CBLN2: variants seen among roughly 807,000 people sequenced by gnomAD.
The protein encoded by CBLN2 is cerebellin 2 precursor.
Under a neutral mutation model 15.0 loss-of-function variants are expected in CBLN2, and 7 were observed. That is an observed-to-expected ratio of 0.47 (90% CI 0.27 to 0.88). The LOEUF (loss-of-function observed/expected upper bound fraction) is 0.88. Among genes scored for constraint, CBLN2 ranks in the 40% least tolerant of loss-of-function variants. The probability of loss-of-function intolerance (pLI) is 0.14; values close to 1 mark genes in which losing one functional copy is unlikely to be tolerated. For synonymous variants in CBLN2, 149 were observed against 135.2 expected, an observed-to-expected ratio of 1.10 and a Z score of -0.71; for missense variants, 242 against 304.5, an observed-to-expected ratio of 0.79 and a Z score of 1.53.
chr18:72,569,887 C>T (rs2144904711), intron 1 of CBLN2, among the ~76,000 whole-genome samples: 2 of 152,216 alleles, frequency 1.3e-5, no homozygotes, highest in South Asian at 4.2e-4. Flanking sequence ...GGAACAAACA[C>T]CCAAAATATA....
chr18:72,581,058 T>G (rs1399729308), intron 1 of CBLN2, among the ~76,000 whole-genome samples: 1 of 152,216 alleles, frequency 6.6e-6, no homozygotes, highest in Non-Finnish European at 1.5e-5. Context: ...AGAAACCTCT[T>G]AGGTCAGTTT....
chr18:72,627,189 C>G (rs2069745452), intron 1 of CBLN2, among the ~76,000 whole-genome samples: 1 of 152,146 alleles, frequency 6.6e-6, no homozygotes, highest in Non-Finnish European at 1.5e-5. Flanking sequence ...TAGACACAAA[C>G]TAAAATTTAC....
intron 1 of CBLN2, among the ~76,000 whole-genome samples, chr18:72,608,730 G>A (rs140176736): frequency 3.0e-4 from 45 of 152,242 alleles, no homozygotes; most frequent in Non-Finnish European, 6.0e-4. Context: ...GGGCTGAGGG[G>A]CAGTATATTA....
At chr18:72,557,076 A>G (rs892161341) in intron 1 of CBLN2, among the ~76,000 whole-genome samples, 3 of 151,364 alleles carry the variant, frequency 2.0e-5, no homozygotes, top group African/African-American at 4.9e-5. Context: ...TTTTTCCCCT[A>G]CAATATCTCG....
chr18:72,564,200 C>T (rs911573251), intron 1 of CBLN2, among the ~76,000 whole-genome samples: 2 of 151,962 alleles, frequency 1.3e-5, no homozygotes, highest in Non-Finnish European at 2.9e-5. Context: ...TGACTGATCC[C>T]AAAGAAATGG....
chr18:72,598,872 T>C (rs1220169175), intron 1 of CBLN2, among the ~76,000 whole-genome samples: 2 of 152,206 alleles, frequency 1.3e-5, no homozygotes, highest in Admixed American at 6.5e-5. Context: ...ATTGCTGCAC[T>C]CTCTCTCCTC....
chr18:72,590,250 G>A (rs1423719768), intron 1 of CBLN2, among the ~76,000 whole-genome samples: 3 of 150,838 alleles, frequency 2.0e-5, no homozygotes, highest in African/African-American at 7.3e-5. Context: ...GGGTGACAGA[G>A]CGAGACTCCG....
At chr18:72,595,362 C>T (rs1394497431) in intron 1 of CBLN2, among the ~76,000 whole-genome samples, 1 of 151,842 alleles carries the variant, frequency 6.6e-6, no homozygotes, top group Non-Finnish European at 1.5e-5. Flanking sequence ...TTATTGATTT[C>T]TAGTTTTATT....
At chr18:72,628,487 C>T (rs2069754707) in intron 1 of CBLN2, among the ~76,000 whole-genome samples, 1 of 152,198 alleles carries the variant, frequency 6.6e-6, no homozygotes, top group Non-Finnish European at 1.5e-5. Flanking sequence ...CTAGACTGGC[C>T]TGTCTGAATT....
chr18:72,626,379 A>G (rs17086215), intron 1 of CBLN2, among the ~76,000 whole-genome samples: 19,762 of 152,014 alleles, frequency 0.13, 3,031 homozygotes, highest in African/African-American at 0.37. Context: ...GGTGACATCA[A>G]TGAAAAGTAT....
intron 1 of CBLN2, among the ~76,000 whole-genome samples, chr18:72,564,677 T>A (rs1248366040): frequency 2.0e-5 from 3 of 152,148 alleles, no homozygotes; most frequent in Non-Finnish European, 4.4e-5. Flanking sequence ...GAACAAATAT[T>A]TGCATTGTGA....
At chr18:72,592,245 T>C (rs2144931676) in intron 1 of CBLN2, among the ~76,000 whole-genome samples, 1 of 152,276 alleles carries the variant, frequency 6.6e-6, no homozygotes, top group Admixed American at 6.5e-5. Context: ...ATTTCTCTGA[T>C]GATCAGTGAT....
intron 1 of CBLN2, among the ~76,000 whole-genome samples, chr18:72,583,437 G>A (rs613582): frequency 0.35 from 52,745 of 151,782 alleles, 11,370 homozygotes; most frequent in African/African-American, 0.59. Context: ...ATACTTTGGG[G>A]GCTCAATACT....
At chr18:72,559,582 A>G (rs1194618617) in intron 1 of CBLN2, among the ~76,000 whole-genome samples, 6 of 152,248 alleles carry the variant, frequency 3.9e-5, no homozygotes, top group Non-Finnish European at 8.8e-5. Context: ...ATGCAATTAG[A>G]TAAAACATCT....
At chr18:72,614,235 T>C (rs1166245556) in intron 1 of CBLN2, among the ~76,000 whole-genome samples, 1 of 152,160 alleles carries the variant, frequency 6.6e-6, no homozygotes, top group Non-Finnish European at 1.5e-5. Context: ...TTAAAAGCTA[T>C]TTATACATTT....
intron 1 of CBLN2, among the ~76,000 whole-genome samples, chr18:72,598,588 A>G (rs924424582): frequency 1.3e-5 from 2 of 152,146 alleles, no homozygotes; most frequent in Non-Finnish European, 2.9e-5. Flanking sequence ...ATGCCCCCCA[A>G]ATCCACTGGC....
rs777118351 is a variant in CBLN2, at chr18:72,542,013, G to A, written c.148C>T (p.Arg50Trp). ...LLLLPACCPV[R>W]AQNDTEPIVL... ...ATGGGCTCCGTGTCGTTCTGCGCCC[G>A]CACGGGGCAGCAGGCGGGCAGTAGC... Residue 50 changes from arginine to tryptophan, a missense_variant, in exon 3 of 5, where the codon CGG becomes TGG. Physicochemically the swap from Arg to Trp is moderately radical, Grantham distance 101. This residue lies in a region of CBLN2 where 96 missense variants were observed against 83.8 expected (regional missense o/e 1.15). Coordinates refer to ENST00000269503, the MANE Select transcript of CBLN2 (RefSeq NM_182511.4). 1 of 1,598,560 alleles carries A rather than the reference G, an allele frequency of 6.3e-7. No homozygotes were observed. The highest frequency in any genetic ancestry group is 2.3e-5 in the East Asian group (1 of 44,320).
intron 1 of CBLN2, chr18:72,625,225 T>C (rs1312871807): frequency 6.6e-6 from 1 of 152,098 alleles, no homozygotes; most frequent in African/African-American, 2.4e-5. Flanking sequence ...ATTGAGAATC[T>C]GAAAAACAAC....
At chr18:72,559,100 A>G (rs1476083383) in intron 1 of CBLN2, among the ~76,000 whole-genome samples, 2 of 152,200 alleles carry the variant, frequency 1.3e-5, no homozygotes, top group Non-Finnish European at 2.9e-5. Flanking sequence ...AAGGATATAA[A>G]GTACACCCTG....
Sources: allele counts gnomAD v4.1 joint callset (sites outside exome capture counted in the v4.1 genomes callset), GRCh38; gene constraint gnomAD v4.1.1; regional missense constraint gnomAD v4.1.1; transcripts MANE v1.5; gene names NCBI Gene and HGNC (gene_info 2026-07-23, HGNC 2026-07-21).